The following MAGI2 variants were observed in gnomAD, a reference collection of about 807,000 sequenced individuals.
MAGI2 encodes membrane associated guanylate kinase, WW and PDZ domain containing 2, also known as membrane-associated guanylate kinase, WW and PDZ domain-containing protein 2.
In MAGI2, 35 loss-of-function variants were observed where a neutral mutation model predicts 133.3. The ratio of observed to expected loss-of-function variants is 0.26; its 90% CI spans 0.20 to 0.35. MAGI2 has a LOEUF of 0.35. MAGI2 is among the 10% of genes least tolerant of loss of function. The pLI, the probability that MAGI2 is intolerant of heterozygous loss-of-function variation, is 1.00. For missense variants in MAGI2, 1,636 were observed against 1,863.4 expected, an observed-to-expected ratio of 0.88 and a Z score of 2.25; for synonymous variants, 729 against 710.6, an observed-to-expected ratio of 1.03 and a Z score of -0.41.
At chr7:78,166,779 T>C (rs1007444005) in intron 15 of MAGI2, among the ~76,000 whole-genome samples, 2 of 152,034 alleles carry the variant, frequency 1.3e-5, no homozygotes, top group African/African-American at 4.8e-5. Flanking sequence ...TATTAGGGAG[T>C]GACATTTGCT....
chr7:78,155,781 T>C (rs758091233), intron 16 of MAGI2, among the ~76,000 whole-genome samples: 1 of 152,246 alleles, frequency 6.6e-6, no homozygotes, highest in Non-Finnish European at 1.5e-5. Flanking sequence ...CTTCATTACA[T>C]TGATTGATAT....
At chr7:79,446,537 C>T (rs1175711091) in intron 1 of MAGI2, among the ~76,000 whole-genome samples, 4 of 151,998 alleles carry the variant, frequency 2.6e-5, no homozygotes, top group East Asian at 1.9e-4. Context: ...ATTCATGTAA[C>T]GATTACATGG....
At chr7:78,436,852 G>A (rs1279792686) in intron 6 of MAGI2, among the ~76,000 whole-genome samples, 1 of 152,138 alleles carries the variant, frequency 6.6e-6, no homozygotes, top group Admixed American at 6.6e-5. Flanking sequence ...GATCCAAATA[G>A]TCTGTTCTGA....
chr7:78,279,821 G>C (rs796295546), intron 9 of MAGI2, among the ~76,000 whole-genome samples: 9 of 152,234 alleles, frequency 5.9e-5, no homozygotes, highest in African/African-American at 1.9e-4. Flanking sequence ...TGCTTTTCTG[G>C]CTCCAATAGC....
chr7:78,612,790 C>T (rs952310635), intron 3 of MAGI2, among the ~76,000 whole-genome samples: 1 of 151,998 alleles, frequency 6.6e-6, no homozygotes, highest in Non-Finnish European at 1.5e-5. Context: ...CTGCCTCAGC[C>T]TCCCGAGAAG....
intron 1 of MAGI2, among the ~76,000 whole-genome samples, chr7:79,166,534 G>A (rs553882896): frequency 1.2e-4 from 18 of 152,178 alleles, no homozygotes; most frequent in African/African-American, 2.2e-4. Flanking sequence ...CTCTCAACCC[G>A]TGGAAATTGT....
At chr7:78,372,326 A>T (rs1794000931) in intron 6 of MAGI2, among the ~76,000 whole-genome samples, 2 of 152,180 alleles carry the variant, frequency 1.3e-5, no homozygotes. Context: ...GTGAAAATTA[A>T]GCTATTTGGA....
rs530899076 is a variant in MAGI2, at chr7:78,085,897, A to G, written c.3568-6812T>C. Among the ~76,000 whole-genome samples, 63 of 147,598 alleles carry G rather than the reference A, an allele frequency of 4.3e-4. 1 individual carries two copies. The East Asian group carries it at 0.011, about 25-fold the overall frequency. On this transcript the variant is annotated intron_variant, in intron 20 of 21. Transcript: ENST00000354212. ...AAAATATCCGGCCTTTGACTTGAGC[A>G]CAGTATCCTATGGTGGGAGTGTGGC...
At chr7:78,969,007 A>C (rs1054677761) in intron 2 of MAGI2, among the ~76,000 whole-genome samples, 1 of 152,114 alleles carries the variant, frequency 6.6e-6, no homozygotes, top group African/African-American at 2.4e-5. Flanking sequence ...TCTAGCTGCA[A>C]GTATAGCTAT....
intron 1 of MAGI2, among the ~76,000 whole-genome samples, chr7:79,348,654 G>A (rs1027490017): frequency 3.3e-5 from 5 of 151,404 alleles, no homozygotes; most frequent in African/African-American, 1.2e-4. Flanking sequence ...AAAAAGACGA[G>A]TTTTCTGCTT....
chr7:78,857,666 T>A (rs893874248), intron 2 of MAGI2, among the ~76,000 whole-genome samples: 59 of 152,242 alleles, frequency 3.9e-4, no homozygotes, highest in Non-Finnish European at 7.1e-4. Context: ...AGTATTTTAC[T>A]GAGGATATTT....
chr7:79,117,280 A>G (rs1205443530), intron 1 of MAGI2, among the ~76,000 whole-genome samples: 1 of 152,208 alleles, frequency 6.6e-6, no homozygotes, highest in Admixed American at 6.5e-5. Flanking sequence ...ATATTTTAAC[A>G]TGAAGCTAAA....
At chr7:78,775,868 T>C (rs1825946883) in intron 2 of MAGI2, among the ~76,000 whole-genome samples, 1 of 152,232 alleles carries the variant, frequency 6.6e-6, no homozygotes, top group Non-Finnish European at 1.5e-5. Context: ...TCTTATTCTC[T>C]AATCAGCTGG....
intron 2 of MAGI2, among the ~76,000 whole-genome samples, chr7:78,864,768 C>G (rs537655934): frequency 2.0e-5 from 3 of 152,254 alleles, no homozygotes; most frequent in East Asian, 1.9e-4. Context: ...ATTGCCTTTT[C>G]TCCTTTGAAG....
chr7:78,623,445 C>T (rs964074930), intron 3 of MAGI2, among the ~76,000 whole-genome samples: 2 of 151,994 alleles, frequency 1.3e-5, no homozygotes, highest in African/African-American at 4.8e-5. Context: ...CTATGATTTA[C>T]AGTTTTTTTC....
rs1822882799 is a variant in MAGI2, at chr7:79,148,674, C to G, written c.302-141468G>C. The stretch of plus-strand genomic sequence containing the variant: ...ATGTGTTTGTGCTTGAGGTCTCTCT[C>G]AGGCTCTCTATGATACCAGGAAAAA... On this transcript the variant is annotated intron_variant, in intron 1 of 21. Coordinates refer to ENST00000354212, the MANE Select transcript of MAGI2 (RefSeq NM_012301.4). 3.3e-5 allele frequency among the ~76,000 whole-genome samples: 5 copies of G among 151,996 alleles called. No homozygotes were observed. The South Asian group carries it at 1.0e-3, about 32-fold the overall frequency.
chr7:78,958,721 C>T (rs77699622), intron 2 of MAGI2, among the ~76,000 whole-genome samples: 3,208 of 152,016 alleles, frequency 0.021, 109 homozygotes, highest in African/African-American at 0.072. Context: ...GGGGTGAAGC[C>T]GTTCTACCTG....
At chr7:78,033,479 A>AAG (rs1302115446) in intron 21 of MAGI2, among the ~76,000 whole-genome samples, 8 of 28,118 alleles carry the variant, frequency 2.8e-4, no homozygotes, top group Admixed American at 1.2e-3. Context: ...TCTCAAAAAA[A>AAG]AAAAAAAAAA....
intron 20 of MAGI2, among the ~76,000 whole-genome samples, chr7:78,110,336 G>A (rs1359138477): frequency 6.6e-6 from 1 of 152,120 alleles, no homozygotes; most frequent in Non-Finnish European, 1.5e-5. Context: ...TAAAGACCAG[G>A]GGTATATGCA....
Sources: gnomAD v4.1 joint callset for allele counts (sites outside exome capture counted in the v4.1 genomes callset) on GRCh38, gnomAD v4.1.1 for gene constraint, MANE v1.5 for transcripts, NCBI Gene and HGNC (gene_info 2026-07-23, HGNC 2026-07-21) for gene names.